Variants in KANSL1L observed in about 807,000 individuals in gnomAD.
KANSL1L encodes the protein KAT8 regulatory NSL complex subunit 1-like protein.
A neutral mutation model predicts 108.6 loss-of-function variants in KANSL1L; 25 were observed. That is an observed-to-expected ratio of 0.23 (90% CI 0.17 to 0.32). The LOEUF (loss-of-function observed/expected upper bound fraction) is 0.32, where lower values mean the gene tolerates loss of function less well. KANSL1L is among the 10% of genes least tolerant of loss of function. The pLI, the probability that KANSL1L is intolerant of heterozygous loss-of-function variation, is 1.00. For synonymous variants in KANSL1L, 405 were observed against 395.1 expected (o/e 1.03, Z -0.30); for missense variants, 1,137 against 1,125.7 (o/e 1.01, Z -0.14).
chr2:210,028,962 G>T lies in KANSL1L; in HGVS notation c.2279C>A (p.Ala760Glu). 1 of 1,609,450 alleles carries T rather than the reference G, an allele frequency of 6.2e-7. No homozygotes were observed. The highest frequency in any genetic ancestry group is 2.2e-5 in the East Asian group (1 of 44,744). Residue 760 changes from alanine (A) to glutamate (E), a missense_variant, in exon 11 of 15, where the codon GCA becomes GAA. By Grantham distance (107) the Ala-to-Glu change is moderately radical. Coordinates refer to ENST00000281772, the MANE Select transcript of KANSL1L (RefSeq NM_152519.4). ...SRIQNSSRNT[A>E]RRRLRSESSY... ...GCTCTCACTTCTCAATCTCCGTCGTGCAGTATTCTGCAAAACAGGATTACA... is the reference window on the plus strand; with the variant it reads ...GCTCTCACTTCTCAATCTCCGTCGTTCAGTATTCTGCAAAACAGGATTACA...
chr2:210,077,043 T>C (rs1477173640), intron 5 of KANSL1L, among the ~76,000 whole-genome samples: 1 of 152,178 alleles, frequency 6.6e-6, no homozygotes, highest in African/African-American at 2.4e-5. Context: ...CTATAAAATA[T>C]TATATTAGCT....
At chr2:210,160,984 A>AT (rs2095358184) in intron 1 of KANSL1L, among the ~76,000 whole-genome samples, 1 of 148,612 alleles carries the variant, frequency 6.7e-6, no homozygotes, top group African/African-American at 2.5e-5. Flanking sequence ...ACATACGGCC[A>AT]ATTTTTTTTT....
intron 3 of KANSL1L, among the ~76,000 whole-genome samples, chr2:210,108,311 A>G (rs2094870516): frequency 6.6e-6 from 1 of 152,182 alleles, no homozygotes; most frequent in Non-Finnish European, 1.5e-5. Context: ...CCAGATACAC[A>G]TTTATCCTGA....
At chr2:210,029,006 C>G (rs756012546) in intron 10 of KANSL1L, 37 bp from the exon 11 acceptor site, 4 of 1,538,072 alleles carry the variant, frequency 2.6e-6, no homozygotes, top group East Asian at 2.4e-5. Flanking sequence ...ACAGTACTGT[C>G]TAGTTACTTG....
chr2:210,104,020 C>A, intron 4 of KANSL1L, 84 bp downstream of exon 4: 2 of 1,042,612 alleles, frequency 1.9e-6, no homozygotes, highest in South Asian at 1.4e-5. Context: ...CAGGAAGATA[C>A]ACATATAATG....
In KANSL1L at chr2:210,043,844, T is replaced by G. The variant is rs2094194928; in HGVS notation, c.1921+95A>C. The G allele has an allele frequency of 1.0e-5, 9 of 881,182 alleles. No individual in the cohort carries two copies. The Admixed American group carries it at 2.6e-4, about 25-fold the overall frequency. 54.6% of individuals were successfully genotyped at this position (881,182 alleles called of 1,614,324 possible). A position where few individuals can be genotyped will look rare whatever the true frequency, so the allele number is the denominator to read the frequency against. ...GTTCTAATATCTACTGAAAAAAAATTGATAAAATAAGATTTATTAGATTCT... is the reference window on the plus strand; with the variant it reads ...GTTCTAATATCTACTGAAAAAAAATGGATAAAATAAGATTTATTAGATTCT... On this transcript the variant is annotated intron_variant, in intron 7 of 14. Transcript: ENST00000281772.
At chr2:210,148,350 G>C (rs1446133516) in intron 2 of KANSL1L, among the ~76,000 whole-genome samples, 5 of 152,160 alleles carry the variant, frequency 3.3e-5, no homozygotes, top group Admixed American at 2.0e-4. Context: ...AGAAATGCTA[G>C]AATTCTATGG....
At chr2:210,056,057 G>C (rs1167643623) in intron 6 of KANSL1L, among the ~76,000 whole-genome samples, 1 of 152,218 alleles carries the variant, frequency 6.6e-6, no homozygotes, top group Non-Finnish European at 1.5e-5. Flanking sequence ...GGACCCCCCT[G>C]CTCTGTGCAG....
chr2:210,169,500 A>T (rs1688200057), intron 1 of KANSL1L, among the ~76,000 whole-genome samples: 1 of 152,216 alleles, frequency 6.6e-6, no homozygotes, highest in Non-Finnish European at 1.5e-5. Flanking sequence ...TCTTATTTGC[A>T]CTCATCTATT....
chr2:210,023,896 A>T lies in KANSL1L; in HGVS notation c.2733+137T>A, dbSNP rs530753774. ...GTTAGTAGTGGACACAAAATGCTGCAATACAGATCTTCTATACCTAACTTA... is the reference window on the plus strand; with the variant it reads ...GTTAGTAGTGGACACAAAATGCTGCTATACAGATCTTCTATACCTAACTTA... On this transcript the variant is annotated intron_variant, in intron 14 of 14. Coordinates refer to ENST00000281772, the MANE Select transcript of KANSL1L (RefSeq NM_152519.4). 41 of 517,750 alleles carry T rather than the reference A, an allele frequency of 7.9e-5. No homozygotes were observed. The East Asian group carries it at 8.4e-4, about 11-fold the overall frequency. 32.1% of individuals were successfully genotyped at this position (517,750 alleles called of 1,614,324 possible).
At position 210,044,153 on chromosome 2, in the gene KANSL1L, T is replaced by A; in HGVS notation, c.1756-49A>T. 1 of 1,283,522 alleles carries A rather than the reference T, an allele frequency of 7.8e-7. No individual in the cohort carries two copies. The highest frequency in any genetic ancestry group is 1.1e-6 in the Non-Finnish European group (1 of 952,038). The allele number at this position is 1,283,522 out of a possible 1,614,324, so 79.5% of individuals were successfully genotyped here. On this transcript the variant is annotated intron_variant, in intron 6 of 14. Coordinates refer to ENST00000281772, the MANE Select transcript of KANSL1L (RefSeq NM_152519.4). This position sits in a 1 kb window ranked among gnomAD's most constrained non-coding sequence, Gnocchi z 4.2. ...ATATCACAGCCAAAGCATCCATAAA[T>A]GGCATATCTCTACATTTATTTAGGT...
rs2093879000 is a variant in KANSL1L at position 210,022,812 on chromosome 2, G to T, written c.*137C>A. On this transcript the variant is annotated 3_prime_UTR_variant, in exon 15 of 15. Transcript: ENST00000281772. ...CCAGAAGGAAAAACAGACTTATCTT[G>T]CCTGTTTCATAAACAGCATAAAAGA... The T allele has an allele frequency of 1.7e-5, 11 of 651,928 alleles. No individual in the cohort carries two copies. In the South Asian group the frequency reaches 2.0e-4, roughly 12 times the overall value. The allele number at this position is 651,928 out of a possible 1,614,324, so 40.4% of individuals were successfully genotyped here.
At position 210,070,832 on chromosome 2, in the gene KANSL1L, A is replaced by G. The variant is rs1246218795; in HGVS notation, c.1755+4720T>C. Among the ~76,000 whole-genome samples, 3 of 152,170 alleles carry G rather than the reference A, an allele frequency of 2.0e-5. No individual in the cohort carries two copies. The East Asian group carries it at 5.8e-4, about 29-fold the overall frequency. On this transcript the variant is annotated intron_variant, in intron 6 of 14. Transcript: ENST00000281772. ...GTTTGCTCTGTTATATGTATATGTAATATGTATTTTACCACAATAAAAATT... is the reference window on the plus strand; with the variant it reads ...GTTTGCTCTGTTATATGTATATGTAGTATGTATTTTACCACAATAAAAATT...
chr2:210,153,126 C>T (rs538034810), intron 2 of KANSL1L: 3 of 164,004 alleles, frequency 1.8e-5, no homozygotes, highest in Non-Finnish European at 2.7e-5. Flanking sequence ...GAGGCCGAGG[C>T]GGGTGGATCA....
At chr2:210,162,653 T>G (rs1033772516) in intron 1 of KANSL1L, among the ~76,000 whole-genome samples, 6 of 151,758 alleles carry the variant, frequency 4.0e-5, no homozygotes, top group African/African-American at 1.5e-4. Flanking sequence ...ACGTGGGGGT[T>G]TACTCACATT....
chr2:210,121,334 T>A (rs2095018465), intron 3 of KANSL1L, among the ~76,000 whole-genome samples: 1 of 152,232 alleles, frequency 6.6e-6, no homozygotes, highest in African/African-American at 2.4e-5. Flanking sequence ...AATGAGATCA[T>A]GTCCTTTGCA....
chr2:210,138,839 C>T (rs1269831795), intron 2 of KANSL1L, among the ~76,000 whole-genome samples: 3 of 152,200 alleles, frequency 2.0e-5, no homozygotes, highest in African/African-American at 7.2e-5. Context: ...TGGCTCACAC[C>T]TGTATTCCCA....
At chr2:210,039,524 T>C (rs1344715254) in intron 8 of KANSL1L, among the ~76,000 whole-genome samples, 2 of 151,916 alleles carry the variant, frequency 1.3e-5, no homozygotes, top group South Asian at 2.1e-4. Flanking sequence ...ACTCGAGTTT[T>C]TGAGGTAGAT....
Position 210,079,674 on chromosome 2 carries a change from GTATATATATATATATATGTATGTGTGTA to G in KANSL1L, c.1551-3946_1551-3919del, listed in dbSNP as rs2094573132. 4.4e-4 allele frequency: 7 copies of G among 15,864 alleles called. 1 individual carries two copies. Among genetic ancestry groups the G allele is most frequent in the East Asian group, 4.6e-3 (2 of 438 alleles). The allele number at this position is 15,864 out of a possible 1,614,324, so 1.0% of individuals were successfully genotyped here. A position where few individuals can be genotyped will look rare whatever the true frequency, so the allele number is the denominator to read the frequency against. The stretch of plus-strand genomic sequence containing the variant: ...TATATATATATATATATGTATGTGT[GTATATATATATATATATGTATGTGTGTA>G]TATATATATATATATATATATATGG... On this transcript the variant is annotated intron_variant, in intron 5 of 14. Transcript: ENST00000281772.
Sources: gnomAD v4.1 joint callset for allele counts (sites outside exome capture counted in the v4.1 genomes callset) on GRCh38, gnomAD v4.1.1 for gene constraint, Gnocchi (gnomAD v3.1) non-coding constraint, MANE v1.5 for transcripts, NCBI Gene and HGNC (gene_info 2026-07-23, HGNC 2026-07-21) for gene names.